The following SLC28A2 variants were observed in gnomAD, a reference collection of about 807,000 sequenced individuals.
The protein encoded by SLC28A2 is solute carrier family 28 member 2.
Under a neutral mutation model 72.9 loss-of-function variants are expected in SLC28A2, and 69 were observed. The observed-to-expected ratio is 0.95, with a 90% CI of 0.78 to 1.16. SLC28A2 has a LOEUF of 1.16. Among genes scored for constraint, SLC28A2 ranks in the 50% most tolerant of loss-of-function variants. SLC28A2 has a pLI of 0.00. For synonymous variants in SLC28A2, 296 were observed against 294.1 expected, an observed-to-expected ratio of 1.01 and a Z score of -0.07; for missense variants, 745 against 791.1, an observed-to-expected ratio of 0.94 and a Z score of 0.70.
At chr15:45,270,423 G>C (rs1900512760) in intron 15 of SLC28A2, 147 bp downstream of exon 15, 1 of 644,176 alleles carries the variant, frequency 1.6e-6, no homozygotes, top group Non-Finnish European at 2.8e-6. Context: ...AGTTAACTTG[G>C]ACCTAAGGCA....
chr15:45,252,297 G>A lies in SLC28A2; in HGVS notation c.-17+19G>A, dbSNP rs564930433. ...AGCTGGGGTAAGTAAAGGTGTTTGG[G>A]GGAGGGCAGGTGCCTAATTTACAAA... On this transcript the variant is annotated intron_variant, in intron 1 of 17. Transcript: ENST00000347644. The A allele has an allele frequency of 4.6e-5, 21 of 455,950 alleles. No individual in the cohort carries two copies. The East Asian group carries it at 1.4e-3, about 30-fold the overall frequency. 28.2% of individuals were successfully genotyped at this position (455,950 alleles called of 1,614,324 possible). A position where few individuals can be genotyped will look rare whatever the true frequency, so the allele number is the denominator to read the frequency against.
chr15:45,275,712 G>T lies in SLC28A2; in HGVS notation c.*199G>T, dbSNP rs963652226. ...GCACTTTGGGAGGCCGAGGCGGGCGGATCACAAGGTCAGGAGATCGAGACC... is the reference window on the plus strand; with the variant it reads ...GCACTTTGGGAGGCCGAGGCGGGCGTATCACAAGGTCAGGAGATCGAGACC... On this transcript the variant is annotated 3_prime_UTR_variant, in exon 18 of 18. Transcript: ENST00000347644. The T allele has an allele frequency of 8.2e-6, 4 of 486,142 alleles. No homozygotes were observed. Among genetic ancestry groups the T allele is most frequent in the African/African-American group, 5.9e-5 (3 of 50,518 alleles). 30.1% of individuals were successfully genotyped at this position (486,142 alleles called of 1,614,324 possible).
At chr15:45,268,399 G>T (rs540425412) in intron 13 of SLC28A2, 21 bp downstream of exon 13, 2 of 1,564,300 alleles carry the variant, frequency 1.3e-6, no homozygotes, top group Admixed American at 1.7e-5. Context: ...ACATTTGTTG[G>T]GCTGTCCCTC....
chr15:45,272,285 T>C lies in SLC28A2; in HGVS notation c.1649-10T>C. 6.2e-7 allele frequency: 1 copy of C among 1,611,394 alleles called. No individual in the cohort carries two copies. The highest frequency in any genetic ancestry group is 1.1e-5 in the South Asian group (1 of 91,014). On this transcript the variant is annotated splice_polypyrimidine_tract_variant and intron_variant, in intron 15 of 17. Coordinates refer to ENST00000347644, the MANE Select transcript of SLC28A2 (RefSeq NM_004212.4). The stretch of plus-strand genomic sequence containing the variant: ...GAAAAGCTGAAGTTATTTTATTTTA[T>C]TGTCTGCAGCATCAATAGTACCTCA...
chr15:45,262,234 A>C, intron 4 of SLC28A2, 128 bp downstream of exon 4: 1 of 648,006 alleles, frequency 1.5e-6, no homozygotes, highest in South Asian at 1.8e-5. Context: ...TGATGTATCA[A>C]TCTTAACTAC....
intron 17 of SLC28A2, 40 bp from the exon 18 acceptor site, chr15:45,275,356 T>C: frequency 8.4e-7 from 1 of 1,183,892 alleles, no homozygotes; most frequent in Non-Finnish European, 1.3e-6. Context: ...GCTTTGTTCC[T>C]GTCTGACCCC....
intron 12 of SLC28A2, 150 bp downstream of exon 12, chr15:45,267,946 T>C (rs181436897): frequency 1.9e-6 from 2 of 1,068,228 alleles, no homozygotes; most frequent in Admixed American, 4.4e-5. Flanking sequence ...ATCATGCTGG[T>C]TTTCTTCATT....
At chr15:45,264,507 C>G (rs967878755) in intron 6 of SLC28A2, 148 bp from the exon 7 acceptor site, 1 of 613,624 alleles carries the variant, frequency 1.6e-6, no homozygotes, top group Non-Finnish European at 2.9e-6. Flanking sequence ...CTGTTTCTCC[C>G]TACCATTGCC....
Position 45,269,328 on chromosome 15 carries a change from T to G in SLC28A2, c.1369-10T>G. 1 of 1,612,172 alleles carries G rather than the reference T, an allele frequency of 6.2e-7. No individual in the cohort carries two copies. The highest frequency in any genetic ancestry group is 8.5e-7 in the Non-Finnish European group (1 of 1,178,332). On this transcript the variant is annotated splice_polypyrimidine_tract_variant and intron_variant, in intron 13 of 17. Transcript: ENST00000347644. ...CCTTCCTTTTCCTGTGATATCTCTCTTTCACTCAGGTCATCTGCTCCTATC... is the reference window on the plus strand; with the variant it reads ...CCTTCCTTTTCCTGTGATATCTCTCGTTCACTCAGGTCATCTGCTCCTATC...
At chr15:45,262,625 C>T (rs1205472595) in intron 4 of SLC28A2, among the ~76,000 whole-genome samples, 1 of 152,156 alleles carries the variant, frequency 6.6e-6, no homozygotes, top group African/African-American at 2.4e-5. Context: ...ATGAGGTCCA[C>T]ATGGCTGCAC....
intron 3 of SLC28A2, among the ~76,000 whole-genome samples, chr15:45,257,724 C>A (rs1002344975): frequency 5.9e-5 from 9 of 151,996 alleles, no homozygotes; most frequent in Non-Finnish European, 1.3e-4. Flanking sequence ...ATACTGATAC[C>A]CACTTTTCTA....
In SLC28A2 at chr15:45,275,889, C is replaced by G. The variant is rs569006150; in HGVS notation, c.*376C>G. ...GGCGGAGCTTGCAGCGAGCCAAGATCGCGCCACTGCACTCCAGCCTGGGTG... is the reference window on the plus strand; with the variant it reads ...GGCGGAGCTTGCAGCGAGCCAAGATGGCGCCACTGCACTCCAGCCTGGGTG... On this transcript the variant is annotated 3_prime_UTR_variant, in exon 18 of 18. Coordinates refer to ENST00000347644, the MANE Select transcript of SLC28A2 (RefSeq NM_004212.4). 7 of 146,618 alleles carry G rather than the reference C, an allele frequency of 4.8e-5. No individual in the cohort carries two copies. The highest frequency in any genetic ancestry group is 1.8e-4 in the African/African-American group (7 of 38,114). 9.1% of individuals were successfully genotyped at this position (146,618 alleles called of 1,614,324 possible). A position where few individuals can be genotyped will look rare whatever the true frequency, so the allele number is the denominator to read the frequency against.
chr15:45,259,136 C>A (rs369624879), intron 3 of SLC28A2, among the ~76,000 whole-genome samples: 1 of 151,728 alleles, frequency 6.6e-6, no homozygotes, highest in Non-Finnish European at 1.5e-5. Flanking sequence ...CAGTGTTTTT[C>A]TTTCTTAGTG....
chr15:45,254,180 T>C (rs8037583), intron 3 of SLC28A2, among the ~76,000 whole-genome samples: 72,076 of 151,996 alleles, frequency 0.47, 20,694 homozygotes, highest in Non-Finnish European at 0.66. Context: ...TGTTCCATGG[T>C]CTGGAAAACA....
intron 4 of SLC28A2, 29 bp from the exon 5 acceptor site, chr15:45,263,032 G>A: frequency 3.8e-6 from 6 of 1,591,842 alleles, no homozygotes; most frequent in Non-Finnish European, 5.1e-6. Flanking sequence ...CTGCCTTGCT[G>A]ATCTTTACTC....
rs1408841816 is a variant in SLC28A2 at position 45,275,419 on chromosome 15, C to A, written c.1883C>A (p.Pro628His). ...FQSTSLNGTN[P>H]PSFSGPWEDK... ...AGTACTTCTCTGAATGGCACCAACC[C>A]TCCTTCTTTTTCTGGTCCCTGGGAA... The change falls in exon 18 of 18, where the codon CCT becomes CAT. Residue 628 changes from proline to histidine, a missense_variant. Pro to His is a moderately conservative substitution (Grantham distance 77, BLOSUM62 -2). Coordinates refer to ENST00000347644, the MANE Select transcript of SLC28A2 (RefSeq NM_004212.4). 6.2e-7 allele frequency: 1 copy of A among 1,612,958 alleles called. No individual in the cohort carries two copies. The highest frequency in any genetic ancestry group is 8.5e-7 in the Non-Finnish European group (1 of 1,179,070).
Position 45,259,039 on chromosome 15 carries a change from A to G in SLC28A2, c.171-2976A>G, listed in dbSNP as rs80032475. ...TGTAGCTTTGGTTTGTATTTCCCTA[A>G]TGGCTAAGGAACTTGTGCATCTTTT... On this transcript the variant is annotated intron_variant, in intron 3 of 17. Coordinates refer to ENST00000347644, the MANE Select transcript of SLC28A2 (RefSeq NM_004212.4). Among the ~76,000 whole-genome samples, 127 of 152,226 alleles carry G rather than the reference A, an allele frequency of 8.3e-4. No homozygotes were observed. In the Middle Eastern group the frequency reaches 0.014, roughly 16 times the overall value.
At chr15:45,268,416 G>A (rs770070580) in intron 13 of SLC28A2, 38 bp downstream of exon 13, 7 of 1,531,092 alleles carry the variant, frequency 4.6e-6, no homozygotes, top group Non-Finnish European at 6.2e-6. Flanking sequence ...CCTCTGGGAT[G>A]TGGTTAGGTA....
chr15:45,267,346 C>A, intron 10 of SLC28A2, 109 bp from the exon 11 acceptor site: 2 of 1,204,362 alleles, frequency 1.7e-6, no homozygotes, highest in African/African-American at 1.5e-5. Context: ...ACAGTGCTCA[C>A]ACTGGATGGA....
Sources: allele counts gnomAD v4.1 joint callset (sites outside exome capture counted in the v4.1 genomes callset), GRCh38; gene constraint gnomAD v4.1.1; transcripts MANE v1.5; gene names NCBI Gene and HGNC (gene_info 2026-07-23, HGNC 2026-07-21).